CYRIB: variants seen among roughly 807,000 people sequenced by gnomAD.
The protein encoded by CYRIB is CYFIP-related Rac1 interactor B.
CYRIB carries 8 observed loss-of-function variants against 44.2 expected under a neutral mutation model. That is an observed-to-expected ratio of 0.18 (90% confidence interval 0.11 to 0.33). The LOEUF (loss-of-function observed/expected upper bound fraction) is 0.33. CYRIB is among the 10% of genes least tolerant of loss of function. The probability of loss-of-function intolerance (pLI) is 1.00; values close to 1 mark genes in which losing one functional copy is unlikely to be tolerated. For synonymous variants in CYRIB, 131 were observed against 127.2 expected (o/e 1.03, Z -0.20); for missense variants, 185 against 382.8 (o/e 0.48, Z 4.31).
chr8:129,941,341 T>A (rs772336860), upstream of CYRIB, among the ~76,000 whole-genome samples: 1 of 148,460 alleles, frequency 6.7e-6, no homozygotes, highest in Non-Finnish European at 1.5e-5. Flanking sequence ...TGGCGCGATA[T>A]CGGCTCACTG....
At chr8:129,861,219 T>C (rs149488715) in intron 5 of CYRIB, among the ~76,000 whole-genome samples, 13 of 152,278 alleles carry the variant, frequency 8.5e-5, no homozygotes, top group African/African-American at 2.9e-4. Flanking sequence ...GTGCTTCACA[T>C]TTACAACTTT....
intron 8 of CYRIB, chr8:129,851,176 G>T (rs967263865): frequency 4.6e-6 from 2 of 432,456 alleles, no homozygotes; most frequent in Non-Finnish European, 8.3e-6. Context: ...TGCAGACAGG[G>T]GGTCAAAGGT....
intron 1 of CYRIB, among the ~76,000 whole-genome samples, chr8:129,911,576 C>T (rs1013953030): frequency 6.6e-5 from 10 of 151,920 alleles, no homozygotes; most frequent in South Asian, 2.1e-4. Context: ...CCAAGGTGGG[C>T]GAATCACGAG....
intron 1 of CYRIB, among the ~76,000 whole-genome samples, chr8:129,927,605 T>C (rs1341609522): frequency 6.6e-6 from 1 of 152,220 alleles, no homozygotes; most frequent in Non-Finnish European, 1.5e-5. Flanking sequence ...ATCTAACATA[T>C]ATATATGCAT....
chr8:129,856,680 T>C (rs916354609), intron 5 of CYRIB, among the ~76,000 whole-genome samples: 2 of 152,218 alleles, frequency 1.3e-5, no homozygotes, highest in Non-Finnish European at 2.9e-5. Flanking sequence ...TTTTCCTATT[T>C]ATGAAGATTT....
intron 1 of CYRIB, among the ~76,000 whole-genome samples, chr8:129,971,836 T>G (rs1036570334): frequency 6.4e-4 from 97 of 152,312 alleles, no homozygotes; most frequent in African/African-American, 2.2e-3. Context: ...CAAAATCTCC[T>G]ACAGCAACAA....
chr8:129,842,446 G>T (rs1181836904), intron 11 of CYRIB, among the ~76,000 whole-genome samples: 1 of 152,184 alleles, frequency 6.6e-6, no homozygotes. Flanking sequence ...CTGCTGAAAT[G>T]ATTGGTTGAC....
intron 10 of CYRIB, 47 bp from the exon 13 acceptor site, chr8:129,846,921 G>T (rs779115716): frequency 1.8e-6 from 2 of 1,139,528 alleles, no homozygotes; most frequent in Non-Finnish European, 2.5e-6. Flanking sequence ...TTTTTTTCAT[G>T]TAACATTCCT....
At chr8:129,993,698 A>C (rs1386800712) in intron 1 of CYRIB, among the ~76,000 whole-genome samples, 2 of 145,740 alleles carry the variant, frequency 1.4e-5, no homozygotes, top group African/African-American at 5.0e-5. Flanking sequence ...CTCTCTCTCA[A>C]AAAAAAAAAA....
At position 129,853,954 on chromosome 8, in the gene CYRIB, G is replaced by C. The variant is rs183842083; in HGVS notation, c.516+312C>G. On this transcript the variant is annotated intron_variant, in intron 7 of 11. Coordinates refer to ENST00000519824, the Ensembl canonical transcript of CYRIB. The stretch of plus-strand genomic sequence containing the variant: ...CTAAGAATATAGAGACAAAAAACTC[G>C]TAACTATGAATTCACAGAATTTCTG... Among the ~76,000 whole-genome samples the C allele has an allele frequency of 3.7e-3, 564 of 152,232 alleles. 4 individuals are homozygous for C. The highest frequency in any genetic ancestry group is 0.013 in the African/African-American group (546 of 41,532).
At chr8:129,907,859 A>G (rs970110182) in intron 1 of CYRIB, among the ~76,000 whole-genome samples, 1 of 152,110 alleles carries the variant, frequency 6.6e-6, no homozygotes, top group African/African-American at 2.4e-5. Context: ...AAAATCAACC[A>G]GGCATGGTGG....
chr8:129,944,669 G>T (rs900580387), upstream of CYRIB, among the ~76,000 whole-genome samples: 24 of 151,898 alleles, frequency 1.6e-4, no homozygotes, highest in African/African-American at 5.1e-4. Context: ...TGTATTCCCA[G>T]CTATTCTGAA....
intron 1 of CYRIB, among the ~76,000 whole-genome samples, chr8:129,910,700 AG>A (rs2077546537): frequency 6.6e-6 from 1 of 152,162 alleles, no homozygotes; most frequent in South Asian, 2.1e-4. Context: ...TGTGTGGCTG[AG>A]ACAAGAGGAT....
At chr8:129,841,710 C>T (rs906482450) in exon 12 of CYRIB, 1 of 155,314 alleles carries the variant, frequency 6.4e-6, no homozygotes, top group African/African-American at 2.4e-5. Context: ...TTAATTTAAA[C>T]ATTTTCATTT....
At chr8:129,873,421 TCAGA>T (rs891634214) in intron 3 of CYRIB, among the ~76,000 whole-genome samples, 7 of 152,100 alleles carry the variant, frequency 4.6e-5, no homozygotes, top group Non-Finnish European at 8.8e-5. Context: ...AATGTAATAG[TCAGA>T]CATACACTCT....
At chr8:129,955,055 A>T (rs2094723203) in intron 2 of CYRIB, among the ~76,000 whole-genome samples, 1 of 152,088 alleles carries the variant, frequency 6.6e-6, no homozygotes, top group African/African-American at 2.4e-5. Flanking sequence ...GGAGTTTGAA[A>T]CTAGCCTGGC....
intron 2 of CYRIB, chr8:129,880,261 G>T: frequency 2.2e-6 from 1 of 450,732 alleles, no homozygotes; most frequent in Non-Finnish European, 2.9e-6. Flanking sequence ...TGCAACCTTT[G>T]TTTGATTCCC....
intron 1 of CYRIB, among the ~76,000 whole-genome samples, chr8:129,933,103 T>C (rs2091983916): frequency 6.6e-6 from 1 of 151,916 alleles, no homozygotes; most frequent in African/African-American, 2.4e-5. Context: ...CTAAAAGAAA[T>C]GGTGTAAGTA....
intron 1 of CYRIB, among the ~76,000 whole-genome samples, chr8:129,934,073 T>A (rs1009954230): frequency 3.3e-5 from 5 of 152,168 alleles, no homozygotes; most frequent in African/African-American, 9.7e-5. Flanking sequence ...GTCTCATGAT[T>A]TCACTGATTA....
Sources: allele counts gnomAD v4.1 joint callset (sites outside exome capture counted in the v4.1 genomes callset), GRCh38; gene constraint gnomAD v4.1.1; transcripts MANE v1.5; gene names NCBI Gene and HGNC (gene_info 2026-07-23, HGNC 2026-07-21).